Variants in CDKAL1 observed in about 807,000 individuals in gnomAD.
The protein encoded by CDKAL1 is CDKAL1 threonylcarbamoyladenosine tRNA methylthiotransferase, also known as threonylcarbamoyladenosine tRNA methylthiotransferase.
In CDKAL1, 32 loss-of-function variants were observed where a neutral mutation model predicts 68.2. The observed-to-expected ratio is 0.47, with a 90% confidence interval of 0.35 to 0.63. The LOEUF is 0.63. Among genes scored for constraint, CDKAL1 ranks in the 30% least tolerant of loss-of-function variants. CDKAL1 has a pLI of 0.00. For missense variants in CDKAL1, 606 were observed against 696.7 expected (o/e 0.87, Z 1.47); for synonymous variants, 234 against 244.3 (o/e 0.96, Z 0.39).
intron 11 of CDKAL1, among the ~76,000 whole-genome samples, chr6:21,055,919 T>A (rs1203137523): frequency 6.6e-6 from 1 of 152,216 alleles, no homozygotes; most frequent in East Asian, 1.9e-4. Flanking sequence ...ATGGTATTTC[T>A]GGTCCTAGGT....
At chr6:21,142,243 G>A (rs1158367551) in intron 13 of CDKAL1, among the ~76,000 whole-genome samples, 1 of 151,106 alleles carries the variant, frequency 6.6e-6, no homozygotes, top group Non-Finnish European at 1.5e-5. Flanking sequence ...AGGCAAGCAG[G>A]TAGAACAGGG....
chr6:21,176,861 AT>A (rs70993209), intron 13 of CDKAL1, among the ~76,000 whole-genome samples: 71,707 of 150,594 alleles, frequency 0.48, 17,679 homozygotes, highest in African/African-American at 0.58. Context: ...TGCCCAGCTA[AT>A]TTTTTTTTGT....
chr6:21,019,607 G>C (rs530803516), intron 11 of CDKAL1, among the ~76,000 whole-genome samples: 11 of 152,340 alleles, frequency 7.2e-5, no homozygotes, highest in African/African-American at 2.6e-4. Flanking sequence ...TCAGAAGCCT[G>C]AGGGGTTCAT....
intron 9 of CDKAL1, among the ~76,000 whole-genome samples, chr6:20,869,410 A>G (rs1357423744): frequency 6.6e-6 from 1 of 152,228 alleles, no homozygotes; most frequent in East Asian, 1.9e-4. Context: ...GTAAATAGTA[A>G]ACCACATTGC....
At chr6:20,625,874 A>G (rs1162073524) in intron 4 of CDKAL1, among the ~76,000 whole-genome samples, 3 of 152,140 alleles carry the variant, frequency 2.0e-5, no homozygotes, top group African/African-American at 7.2e-5. Context: ...CCTTTGACCA[A>G]TTTTAACTTA....
intron 11 of CDKAL1, among the ~76,000 whole-genome samples, chr6:21,032,772 G>T (rs1441902706): frequency 6.6e-6 from 1 of 152,152 alleles, no homozygotes; most frequent in Non-Finnish European, 1.5e-5. Flanking sequence ...TAGGCGTGTG[G>T]TAGGTTTATG....
At chr6:20,577,415 C>G (rs372619308) in intron 4 of CDKAL1, among the ~76,000 whole-genome samples, 2 of 152,196 alleles carry the variant, frequency 1.3e-5, no homozygotes, top group African/African-American at 4.8e-5. Flanking sequence ...CAAAAGAAAT[C>G]TTTCCTTGCT....
chr6:21,226,679 C>G (rs1412332390), intron 15 of CDKAL1, among the ~76,000 whole-genome samples: 2 of 152,100 alleles, frequency 1.3e-5, no homozygotes, highest in Non-Finnish European at 2.9e-5. Flanking sequence ...AGTTGATGTT[C>G]CAGCTTGTTT....
At chr6:21,112,250 A>T (rs913964005) in intron 13 of CDKAL1, among the ~76,000 whole-genome samples, 1 of 152,196 alleles carries the variant, frequency 6.6e-6, no homozygotes, top group South Asian at 2.1e-4. Flanking sequence ...TATCAGAATT[A>T]TGTGTTTAGG....
intron 9 of CDKAL1, among the ~76,000 whole-genome samples, chr6:20,907,173 T>TATGAATC (rs1191247094): frequency 6.6e-6 from 1 of 152,188 alleles, no homozygotes; most frequent in Non-Finnish European, 1.5e-5. Flanking sequence ...TGCACAACAA[T>TATGAATC]ATGAATCATT....
At chr6:20,692,673 T>C (rs1435043050) in intron 5 of CDKAL1, among the ~76,000 whole-genome samples, 2 of 152,126 alleles carry the variant, frequency 1.3e-5, no homozygotes, top group Non-Finnish European at 2.9e-5. Flanking sequence ...TTTTGTACTT[T>C]TTTTCTGGAA....
At chr6:20,790,545 C>T (rs369915286) in intron 8 of CDKAL1, among the ~76,000 whole-genome samples, 38 of 152,318 alleles carry the variant, frequency 2.5e-4, no homozygotes, top group Admixed American at 6.5e-4. Flanking sequence ...AACCAGAGAC[C>T]TCCACAGCCA....
chr6:20,701,594 G>A (rs1355799961), intron 5 of CDKAL1, among the ~76,000 whole-genome samples: 2 of 152,078 alleles, frequency 1.3e-5, no homozygotes, highest in Non-Finnish European at 2.9e-5. Context: ...TATACAGTTA[G>A]GCTTGGTGTG....
rs117252933 is a variant in CDKAL1, at chr6:21,147,790, G to A, written c.1299+39327G>A. Among the ~76,000 whole-genome samples, 126 of 146,486 alleles carry A rather than the reference G, an allele frequency of 8.6e-4. 3 individuals are homozygous for A. The East Asian group carries it at 0.023, about 27-fold the overall frequency. On this transcript the variant is annotated intron_variant, in intron 13 of 15. Transcript: ENST00000274695. ...AATCATGTATAATCTTTTGCAACAA[G>A]CTATAAAATGATTTTTTTTTGTCTT... is the stretch of plus-strand genomic sequence containing the variant.
intron 8 of CDKAL1, among the ~76,000 whole-genome samples, chr6:20,819,627 C>A (rs1040600603): frequency 6.6e-6 from 1 of 152,114 alleles, no homozygotes; most frequent in East Asian, 1.9e-4. Flanking sequence ...TTCTGAAAAT[C>A]ATTTCACACA....
chr6:20,870,110 G>C (rs141354940), intron 9 of CDKAL1, among the ~76,000 whole-genome samples: 1 of 152,094 alleles, frequency 6.6e-6, no homozygotes, highest in African/African-American at 2.4e-5. Context: ...AATGGAAAAC[G>C]AGAGAAAAAC....
intron 12 of CDKAL1, among the ~76,000 whole-genome samples, chr6:21,079,743 A>G (rs1049015288): frequency 1.3e-5 from 2 of 152,230 alleles, no homozygotes; most frequent in African/African-American, 4.8e-5. Flanking sequence ...CCTAATGGTC[A>G]TGAGATTACT....
rs1244122901 is a variant in CDKAL1 at position 21,087,855 on chromosome 6, C to T, written c.1237-20546C>T. 5.3e-5 allele frequency among the ~76,000 whole-genome samples: 8 copies of T among 152,160 alleles called. No individual in the cohort carries two copies. The East Asian group carries it at 9.7e-4, about 18-fold the overall frequency. On this transcript the variant is annotated intron_variant, in intron 12 of 15. Coordinates refer to ENST00000274695, the MANE Select transcript of CDKAL1 (RefSeq NM_017774.3). Reference sequence around the variant, plus strand: ...ACAAATTTGTCCAAAAATCTCCGACCGGATGATTCTCCGAAGTTACACCAT... The same window carrying T: ...ACAAATTTGTCCAAAAATCTCCGACTGGATGATTCTCCGAAGTTACACCAT...
At chr6:20,853,123 G>A (rs1759107864) in intron 9 of CDKAL1, among the ~76,000 whole-genome samples, 1 of 152,204 alleles carries the variant, frequency 6.6e-6, no homozygotes. Context: ...GCTCACGCCT[G>A]TAATCCCAGC....
Sources: gnomAD v4.1 joint callset for allele counts (sites outside exome capture counted in the v4.1 genomes callset) on GRCh38, gnomAD v4.1.1 for gene constraint, MANE v1.5 for transcripts, NCBI Gene and HGNC (gene_info 2026-07-23, HGNC 2026-07-21) for gene names.